STPG2: variants seen among roughly 807,000 people sequenced by gnomAD.
STPG2 encodes the protein sperm tail PG-rich repeat containing 2.
STPG2 carries 56 observed loss-of-function variants against 54.2 expected under a neutral mutation model. The ratio of observed to expected loss-of-function variants is 1.03; its 90% CI spans 0.83 to 1.29. The LOEUF is 1.29. STPG2 is among the 50% of genes most tolerant of loss of function. STPG2 has a pLI of 0.00. For missense variants in STPG2, 596 were observed against 544.9 expected, an observed-to-expected ratio of 1.09 and a Z score of -0.93; for synonymous variants, 200 against 181.8, an observed-to-expected ratio of 1.10 and a Z score of -0.81.
At chr4:98,081,424 GC>G (rs35129412) in intron 5 of STPG2, among the ~76,000 whole-genome samples, 59,853 of 151,664 alleles carry the variant, frequency 0.39, 12,001 homozygotes, top group Middle Eastern at 0.46. Flanking sequence ...AGAGATAAAA[GC>G]TAAGGGGGTT....
intron 9 of STPG2, among the ~76,000 whole-genome samples, chr4:97,748,287 T>C (rs998613848): frequency 6.6e-6 from 1 of 151,604 alleles, no homozygotes; most frequent in African/African-American, 2.4e-5. Flanking sequence ...ATAGTTTTCA[T>C]GTGAATGTTA....
chr4:98,047,246 G>T (rs1337912800), intron 5 of STPG2, among the ~76,000 whole-genome samples: 1 of 152,212 alleles, frequency 6.6e-6, no homozygotes, highest in African/African-American at 2.4e-5. Context: ...TTTAAAAGCT[G>T]CATGCTTATG....
intron 10 of STPG2, among the ~76,000 whole-genome samples, chr4:97,655,922 T>G (rs1578457735): frequency 6.6e-6 from 1 of 152,148 alleles, no homozygotes. Context: ...TTCTAAATTA[T>G]TAAGTAATAC....
intron 10 of STPG2, among the ~76,000 whole-genome samples, chr4:97,586,213 G>C (rs1485492379): frequency 6.6e-6 from 1 of 151,836 alleles, no homozygotes; most frequent in Non-Finnish European, 1.5e-5. Context: ...CAATAATAGA[G>C]TGAGATAACA....
intron 10 of STPG2, among the ~76,000 whole-genome samples, chr4:97,692,245 T>A: frequency 7.4e-6 from 1 of 134,726 alleles, no homozygotes; most frequent in East Asian, 2.2e-4. Context: ...CAAGAAGGCA[T>A]CAGAGAAAGG....
chr4:97,719,671 C>A (rs1560500972), intron 9 of STPG2, among the ~76,000 whole-genome samples: 1 of 151,818 alleles, frequency 6.6e-6, no homozygotes, highest in Non-Finnish European at 1.5e-5. Flanking sequence ...ATCTTATGTG[C>A]CTGCCTACGG....
intron 9 of STPG2, among the ~76,000 whole-genome samples, chr4:97,814,691 G>A (rs1727853699): frequency 6.6e-6 from 1 of 152,026 alleles, no homozygotes; most frequent in Admixed American, 6.6e-5. Context: ...AATCTGGGTG[G>A]GCAGTACCTA....
At chr4:98,052,679 T>A (rs1426599302) in intron 5 of STPG2, among the ~76,000 whole-genome samples, 4 of 152,210 alleles carry the variant, frequency 2.6e-5, no homozygotes, top group Non-Finnish European at 5.9e-5. Context: ...ATTAGGATAA[T>A]TAACAGAAGC....
intron 5 of STPG2, among the ~76,000 whole-genome samples, chr4:98,064,770 A>C (rs576298809): frequency 6.6e-6 from 1 of 152,334 alleles, no homozygotes; most frequent in South Asian, 2.1e-4. Context: ...AAAATTTCTC[A>C]ATGTATCTGT....
intron 10 of STPG2, among the ~76,000 whole-genome samples, chr4:97,607,323 G>C (rs1006721349): frequency 6.6e-6 from 1 of 151,406 alleles, no homozygotes; most frequent in Non-Finnish European, 1.5e-5. Context: ...CTTTCATTAG[G>C]ATCCCAGACT....
At chr4:97,721,087 T>C (rs1228628815) in intron 9 of STPG2, among the ~76,000 whole-genome samples, 8 of 152,106 alleles carry the variant, frequency 5.3e-5, no homozygotes, top group Non-Finnish European at 5.9e-5. Flanking sequence ...TTTGCCTTCA[T>C]GTTTAGAAAA....
At chr4:97,752,039 C>T (rs1434266687) in intron 9 of STPG2, among the ~76,000 whole-genome samples, 1 of 151,746 alleles carries the variant, frequency 6.6e-6, no homozygotes, top group Non-Finnish European at 1.5e-5. Context: ...ATACTCATTA[C>T]ATTTAGAAAA....
At chr4:97,578,634 A>G (rs1732784527) in intron 10 of STPG2, among the ~76,000 whole-genome samples, 2 of 151,526 alleles carry the variant, frequency 1.3e-5, no homozygotes, top group Admixed American at 6.6e-5. Context: ...TGGCATGAAC[A>G]TAGCAGAGAG....
At chr4:97,782,715 C>G (rs1323809277) in intron 9 of STPG2, among the ~76,000 whole-genome samples, 5 of 152,166 alleles carry the variant, frequency 3.3e-5, no homozygotes, top group Non-Finnish European at 1.5e-5. Flanking sequence ...CCACATGGTA[C>G]TGGTACCAAA....
At chr4:97,974,669 C>A (rs769380233) in intron 6 of STPG2, among the ~76,000 whole-genome samples, 7 of 152,106 alleles carry the variant, frequency 4.6e-5, no homozygotes, top group Non-Finnish European at 8.8e-5. Flanking sequence ...AGTTTCCCTG[C>A]ACAAGCTCCC....
intron 8 of STPG2, among the ~76,000 whole-genome samples, chr4:97,854,814 A>T (rs1269762592): frequency 6.6e-6 from 1 of 152,128 alleles, no homozygotes; most frequent in Non-Finnish European, 1.5e-5. Flanking sequence ...AAACAAGTGC[A>T]ATTTTGGTTT....
intron 8 of STPG2, among the ~76,000 whole-genome samples, chr4:97,860,756 A>T (rs927487427): frequency 6.6e-6 from 1 of 152,096 alleles, no homozygotes. Context: ...ATCAATTTAG[A>T]TGCATTTTAT....
chr4:97,559,962 A>G (rs900071165), intron 10 of STPG2, among the ~76,000 whole-genome samples: 6 of 152,152 alleles, frequency 3.9e-5, no homozygotes, highest in Non-Finnish European at 7.4e-5. Flanking sequence ...CAACTGATGC[A>G]AGTCATTTGT....
chr4:97,670,254 G>A (rs1722659365), intron 10 of STPG2, among the ~76,000 whole-genome samples: 1 of 151,790 alleles, frequency 6.6e-6, no homozygotes, highest in African/African-American at 2.4e-5. Context: ...CCTTCTCAGT[G>A]GGACAATATT....
Sources: gnomAD v4.1 joint callset for allele counts (sites outside exome capture counted in the v4.1 genomes callset) on GRCh38, gnomAD v4.1.1 for gene constraint, MANE v1.5 for transcripts, NCBI Gene and HGNC (gene_info 2026-07-23, HGNC 2026-07-21) for gene names.